MKLN1: variants seen among roughly 807,000 people sequenced by gnomAD.
The protein encoded by MKLN1 is muskelin.
In MKLN1, 18 loss-of-function variants were observed where a neutral mutation model predicts 99.0. The ratio of observed to expected loss-of-function variants is 0.18; its 90% confidence interval spans 0.13 to 0.27. MKLN1 has a LOEUF of 0.27. MKLN1 is among the 10% of genes least tolerant of loss of function. The pLI, the probability that MKLN1 is intolerant of heterozygous loss-of-function variation, is 1.00. For synonymous variants in MKLN1, 288 were observed against 293.2 expected, an observed-to-expected ratio of 0.98 and a Z score of 0.18; for missense variants, 621 against 875.9, an observed-to-expected ratio of 0.71 and a Z score of 3.67.
chr7:131,393,799 T>C (rs1794277380), intron 4 of MKLN1, among the ~76,000 whole-genome samples: 2 of 151,494 alleles, frequency 1.3e-5, no homozygotes. Flanking sequence ...TGATTTTTAA[T>C]TTTTTTTTGT....
intron 1 of MKLN1, among the ~76,000 whole-genome samples, chr7:131,135,022 C>T (rs1795626754): frequency 6.6e-6 from 1 of 152,202 alleles, no homozygotes. Context: ...ACCTTTGTGC[C>T]TGTTTTCATC....
At chr7:131,354,421 A>T (rs1799813033) in intron 1 of MKLN1, among the ~76,000 whole-genome samples, 1 of 150,352 alleles carries the variant, frequency 6.7e-6, no homozygotes, top group South Asian at 2.1e-4. Flanking sequence ...CTTGGGTTTC[A>T]CATGTTTAGT....
chr7:131,276,002 C>T (rs531955682), intron 3 of MKLN1, among the ~76,000 whole-genome samples: 1 of 152,252 alleles, frequency 6.6e-6, no homozygotes, highest in East Asian at 1.9e-4. Context: ...CCTCACTCTG[C>T]GCAGGCAGAT....
intron 2 of MKLN1, among the ~76,000 whole-genome samples, chr7:131,162,271 T>C (rs1796066646): frequency 6.6e-6 from 1 of 152,080 alleles, no homozygotes; most frequent in Admixed American, 6.6e-5. Flanking sequence ...CAGGCTGGTC[T>C]CGAACTCCTG....
At chr7:131,438,915 A>G (rs2116482332) in intron 10 of MKLN1, among the ~76,000 whole-genome samples, 1 of 152,216 alleles carries the variant, frequency 6.6e-6, no homozygotes, top group South Asian at 2.1e-4. Context: ...GATTTTTGTT[A>G]ATTATTTGCT....
At chr7:131,413,649 C>G (rs1475838979) in intron 7 of MKLN1, among the ~76,000 whole-genome samples, 1 of 151,996 alleles carries the variant, frequency 6.6e-6, no homozygotes, top group Non-Finnish European at 1.5e-5. Flanking sequence ...AAGTGATTCT[C>G]CTGCCTCAGC....
chr7:131,159,091 G>A (rs909958050), intron 2 of MKLN1, among the ~76,000 whole-genome samples: 8 of 152,184 alleles, frequency 5.3e-5, no homozygotes, highest in Non-Finnish European at 7.3e-5. Context: ...CTACTAGGGA[G>A]GCTGAAGTGA....
At chr7:131,355,551 G>A (rs998807548) in intron 1 of MKLN1, among the ~76,000 whole-genome samples, 48 of 150,782 alleles carry the variant, frequency 3.2e-4, no homozygotes, top group Non-Finnish European at 6.3e-4. Flanking sequence ...GTTGTAATTA[G>A]AGGTCTTCTC....
At chr7:131,301,338 T>A (rs1798374538) in intron 3 of MKLN1, among the ~76,000 whole-genome samples, 1 of 152,202 alleles carries the variant, frequency 6.6e-6, no homozygotes, top group Non-Finnish European at 1.5e-5. Flanking sequence ...GTTCTCGACC[T>A]TTGTGCTATA....
rs550526303 is a variant in MKLN1, at chr7:131,464,490, A to G, written c.1788+82A>G. The stretch of plus-strand genomic sequence containing the variant: ...CCAAATATATCTTTGATTGTTTTAA[A>G]TTGGATTTGAGTAAAAAGTTAAAAT... On this transcript the variant is annotated intron_variant, in intron 14 of 17. Coordinates refer to ENST00000352689, the MANE Select transcript of MKLN1 (RefSeq NM_013255.5). 3.6e-5 allele frequency: 28 copies of G among 775,944 alleles called. No homozygotes were observed. The African/African-American group carries it at 4.0e-4, about 11-fold the overall frequency. The allele number at this position is 775,944 out of a possible 1,614,324, so 48.1% of individuals were successfully genotyped here. A position where few individuals can be genotyped will look rare whatever the true frequency, so the allele number is the denominator to read the frequency against.
chr7:131,480,329 G>T (rs1046684398), intron 17 of MKLN1, among the ~76,000 whole-genome samples: 2 of 152,126 alleles, frequency 1.3e-5, no homozygotes, highest in Admixed American at 1.3e-4. Flanking sequence ...AACACTTTGG[G>T]ATATCAATTT....
intron 3 of MKLN1, among the ~76,000 whole-genome samples, chr7:131,258,422 T>C (rs905681967): frequency 3.9e-5 from 6 of 151,926 alleles, no homozygotes; most frequent in Admixed American, 2.6e-4. Flanking sequence ...GTGGAAAAGA[T>C]AGGGTCAAAC....
At chr7:131,173,974 CTTT>C (rs1191131472) in intron 2 of MKLN1, among the ~76,000 whole-genome samples, 1 of 129,672 alleles carries the variant, frequency 7.7e-6, no homozygotes. Context: ...TTTTCTTTTT[CTTT>C]TTTTTTTTTT....
At position 131,368,682 on chromosome 7, in the gene MKLN1, C is replaced by T. The variant is rs375024427; in HGVS notation, c.99-6742C>T. Among the ~76,000 whole-genome samples the T allele has an allele frequency of 2.0e-5, 3 of 152,114 alleles. 1 individual carries two copies. The highest frequency in any genetic ancestry group is 4.8e-5 in the African/African-American group (2 of 41,426). On this transcript the variant is annotated intron_variant, in intron 1 of 17. Transcript: ENST00000352689. ...GATCCAATCACCTCCTAACAAGTACCTCCTCCAACATTTGGAATTAAAATT... is the reference window on the plus strand; with the variant it reads ...GATCCAATCACCTCCTAACAAGTACTTCCTCCAACATTTGGAATTAAAATT...
At chr7:131,416,393 A>G (rs1366397750) in intron 8 of MKLN1, among the ~76,000 whole-genome samples, 1 of 152,194 alleles carries the variant, frequency 6.6e-6, no homozygotes, top group Non-Finnish European at 1.5e-5. Flanking sequence ...ACAGAAAATT[A>G]TTCAAAGAAT....
intron 1 of MKLN1, among the ~76,000 whole-genome samples, chr7:131,353,942 T>C (rs995414403): frequency 6.7e-6 from 1 of 149,966 alleles, no homozygotes; most frequent in African/African-American, 2.4e-5. Context: ...GGCATATATG[T>C]GTGGGTCTTT....
chr7:131,114,548 A>G (rs1337529651), intron 1 of MKLN1, among the ~76,000 whole-genome samples: 2 of 152,336 alleles, frequency 1.3e-5, no homozygotes, highest in East Asian at 3.9e-4. Context: ...GAAAAAATAC[A>G]GGGGAAAAAT....
intron 3 of MKLN1, among the ~76,000 whole-genome samples, chr7:131,231,810 C>G (rs1239395060): frequency 2.0e-5 from 3 of 151,966 alleles, no homozygotes; most frequent in Non-Finnish European, 4.4e-5. Flanking sequence ...CAACTTCAAC[C>G]AAAACAAAAT....
intron 3 of MKLN1, among the ~76,000 whole-genome samples, chr7:131,275,740 G>T (rs933708315): frequency 6.6e-6 from 1 of 151,034 alleles, no homozygotes; most frequent in Non-Finnish European, 1.5e-5. Context: ...CCATCACCTT[G>T]TATTGGTTAG....
Sources: allele counts gnomAD v4.1 joint callset (sites outside exome capture counted in the v4.1 genomes callset), GRCh38; gene constraint gnomAD v4.1.1; transcripts MANE v1.5; gene names NCBI Gene and HGNC (gene_info 2026-07-23, HGNC 2026-07-21).